The following TAF4B variants were observed in gnomAD, a reference collection of about 807,000 sequenced individuals.
TAF4B encodes the protein TATA-box binding protein associated factor 4b, also known as transcription initiation factor TFIID subunit 4B.
In TAF4B, 38 loss-of-function variants were observed where a neutral mutation model predicts 86.4. The ratio of observed to expected loss-of-function variants is 0.44; its 90% CI spans 0.34 to 0.58. The LOEUF is 0.58. Ranked by LOEUF, TAF4B falls within the 20% of genes least tolerant of loss-of-function variation. The pLI is 0.02. For synonymous variants in TAF4B, 388 were observed against 391.2 expected, an observed-to-expected ratio of 0.99 and a Z score of 0.10; for missense variants, 988 against 1,027.6, an observed-to-expected ratio of 0.96 and a Z score of 0.53.
chr18:26,372,909 C>T (rs913866381), intron 14 of TAF4B, among the ~76,000 whole-genome samples: 54 of 149,064 alleles, frequency 3.6e-4, no homozygotes, highest in African/African-American at 1.3e-3. Flanking sequence ...GCGGAGCTTG[C>T]AGTGAGCCGA....
At chr18:26,255,001 C>A (rs1386037943) in intron 1 of TAF4B, among the ~76,000 whole-genome samples, 1 of 152,074 alleles carries the variant, frequency 6.6e-6, no homozygotes, top group Non-Finnish European at 1.5e-5. Context: ...AGGGGCAAGT[C>A]CATGTTACTG....
chr18:26,326,537 C>T lies in TAF4B; in HGVS notation c.2134-478C>T, dbSNP rs76690383. Among the ~76,000 whole-genome samples the T allele has an allele frequency of 3.4e-3, 517 of 152,224 alleles. 4 individuals are homozygous for T. The highest frequency in any genetic ancestry group is 0.011 in the African/African-American group (459 of 41,522). Reference sequence around the variant, plus strand: ...GGTTAAACCAATCTAATCATGGTAACCAAGGTGATAACTTTCATCTTTGGT... The same window carrying T: ...GGTTAAACCAATCTAATCATGGTAATCAAGGTGATAACTTTCATCTTTGGT... On this transcript the variant is annotated intron_variant, in intron 11 of 14. Coordinates refer to ENST00000269142, the MANE Select transcript of TAF4B (RefSeq NM_005640.3).
chr18:26,227,763 C>G (rs1473057113), intron 1 of TAF4B, among the ~76,000 whole-genome samples: 2 of 152,222 alleles, frequency 1.3e-5, no homozygotes, highest in Non-Finnish European at 2.9e-5. Flanking sequence ...TCGATCCTCC[C>G]GCCTCGGCCT....
chr18:26,321,206 G>A lies in TAF4B; in HGVS notation c.2133+6G>A. On this transcript the variant is annotated splice_donor_region_variant and intron_variant, in intron 11 of 14. Transcript: ENST00000269142. ...ATCGAATGACTACTTACAAGGTAAA[G>A]GAAATCATTAAAGAAGTATAAACTC... 1 of 1,613,352 alleles carries A rather than the reference G, an allele frequency of 6.2e-7. No individual in the cohort carries two copies. Among genetic ancestry groups the A allele is most frequent in the Admixed American group, 1.7e-5 (1 of 59,992 alleles).
chr18:26,386,660 G>T (rs1170030508), intron 14 of TAF4B, among the ~76,000 whole-genome samples: 1 of 152,118 alleles, frequency 6.6e-6, no homozygotes, highest in East Asian at 1.9e-4. Flanking sequence ...GAATCATACA[G>T]TATGAATTCC....
chr18:26,304,439 A>G (rs567705676), intron 9 of TAF4B, among the ~76,000 whole-genome samples: 151 of 152,360 alleles, frequency 9.9e-4, no homozygotes, highest in African/African-American at 3.5e-3. Context: ...AATACTTGAA[A>G]AAGAACCAAA....
intron 9 of TAF4B, among the ~76,000 whole-genome samples, chr18:26,307,131 G>A (rs552925922): frequency 8.6e-5 from 13 of 151,990 alleles, no homozygotes; most frequent in Admixed American, 2.6e-4. Flanking sequence ...ATAGACCCTC[G>A]ATGTTGGCTC....
chr18:26,350,882 A>G (rs550962173), intron 13 of TAF4B, among the ~76,000 whole-genome samples: 73 of 152,232 alleles, frequency 4.8e-4, no homozygotes, highest in African/African-American at 1.8e-3. Flanking sequence ...GAGTAATGTT[A>G]TCGAGGATTC....
At chr18:26,239,341 T>C (rs2055799907) in intron 1 of TAF4B, among the ~76,000 whole-genome samples, 2 of 152,158 alleles carry the variant, frequency 1.3e-5, no homozygotes, top group South Asian at 4.1e-4. Context: ...TGATGGCCAG[T>C]GATGATGAGC....
At chr18:26,381,695 C>A (rs1278040216) in intron 14 of TAF4B, among the ~76,000 whole-genome samples, 1 of 151,620 alleles carries the variant, frequency 6.6e-6, no homozygotes, top group Non-Finnish European at 1.5e-5. Context: ...CCATTGCACT[C>A]CAGCCTGGGC....
chr18:26,238,576 A>G (rs1357652286), intron 1 of TAF4B, among the ~76,000 whole-genome samples: 1 of 152,052 alleles, frequency 6.6e-6, no homozygotes, highest in African/African-American at 2.4e-5. Context: ...TAAGTAATGA[A>G]CTAATATTTA....
intron 13 of TAF4B, among the ~76,000 whole-genome samples, chr18:26,349,358 T>TA (rs950477944): frequency 1.7e-4 from 26 of 150,966 alleles, no homozygotes; most frequent in South Asian, 6.3e-4. Context: ...GCTCTTTATT[T>TA]AAAAAAAAAG....
intron 7 of TAF4B, among the ~76,000 whole-genome samples, chr18:26,291,589 C>T (rs2056593718): frequency 6.6e-6 from 1 of 151,420 alleles, no homozygotes; most frequent in African/African-American, 2.4e-5. Context: ...TGTCTGAAAT[C>T]CTAGCTACTC....
At chr18:26,252,800 TTTA>T (rs1285227040) in intron 1 of TAF4B, among the ~76,000 whole-genome samples, 3 of 150,132 alleles carry the variant, frequency 2.0e-5, no homozygotes, top group African/African-American at 7.3e-5. Flanking sequence ...TTTATTTTTA[TTTA>T]TTATTTTATT....
At chr18:26,229,205 C>T (rs1050105137) in intron 1 of TAF4B, among the ~76,000 whole-genome samples, 2 of 152,084 alleles carry the variant, frequency 1.3e-5, no homozygotes, top group East Asian at 3.9e-4. Context: ...TAATTATGTT[C>T]CTAGCACTGT....
intron 1 of TAF4B, among the ~76,000 whole-genome samples, chr18:26,238,686 C>T (rs1409690204): frequency 6.6e-6 from 1 of 151,928 alleles, no homozygotes; most frequent in Non-Finnish European, 1.5e-5. Context: ...GTGTGCTGCA[C>T]CCATTAACTC....
chr18:26,316,369 C>T (rs904260716), intron 10 of TAF4B, among the ~76,000 whole-genome samples: 4 of 150,294 alleles, frequency 2.7e-5, no homozygotes, highest in African/African-American at 9.8e-5. Context: ...TATAAATGAC[C>T]AGGGTTTTCT....
rs116712656 is a variant in TAF4B, at chr18:26,285,990, G to A, written c.1081G>A (p.Val361Ile). Residue 361 changes from valine to isoleucine, a missense_variant, in exon 7 of 15, where the codon GTA becomes ATA. This residue lies in a region of TAF4B where 747 missense variants were observed against 737.9 expected (regional missense o/e 1.01). Coordinates refer to ENST00000269142, the MANE Select transcript of TAF4B (RefSeq NM_005640.3). Reference protein sequence around the residue: ...DMVIATCTTTVTTSPVVTTTV... With the variant: ...DMVIATCTTTITTSPVVTTTV... ...GGTCATTGCTACCTGTACTACAACA[G>A]TAACAACTTCTCCTGTGGTGACAAC... 246 of 1,614,206 alleles carry A rather than the reference G, an allele frequency of 1.5e-4. No individual in the cohort carries two copies. In the African/African-American group the frequency reaches 2.9e-3, roughly 19 times the overall value.
chr18:26,326,626 T>A (rs966394371), intron 11 of TAF4B, among the ~76,000 whole-genome samples: 9 of 152,210 alleles, frequency 5.9e-5, no homozygotes, highest in African/African-American at 2.2e-4. Context: ...ATTTAATTAC[T>A]TATATTAATG....
Sources: allele counts gnomAD v4.1 joint callset (sites outside exome capture counted in the v4.1 genomes callset), GRCh38; gene constraint gnomAD v4.1.1; regional missense constraint gnomAD v4.1.1; transcripts MANE v1.5; gene names NCBI Gene and HGNC (gene_info 2026-07-23, HGNC 2026-07-21).